EXT1: variants seen among roughly 807,000 people sequenced by gnomAD.
EXT1 encodes the protein exostosin-1.
A neutral mutation model predicts 82.5 loss-of-function variants in EXT1; 20 were observed. The observed-to-expected ratio is 0.24, with a 90% CI of 0.17 to 0.35. The LOEUF (loss-of-function observed/expected upper bound fraction) is 0.35, where lower values mean the gene tolerates loss of function less well. Among genes scored for constraint, EXT1 ranks in the 10% least tolerant of loss-of-function variants. The pLI, the probability that EXT1 is intolerant of heterozygous loss-of-function variation, is 1.00. For synonymous variants in EXT1, 348 were observed against 350.8 expected (o/e 0.99, Z 0.09); for missense variants, 757 against 936.5 (o/e 0.81, Z 2.50).
At chr8:118,022,816 G>T (rs1415136123) in intron 1 of EXT1, among the ~76,000 whole-genome samples, 1 of 152,136 alleles carries the variant, frequency 6.6e-6, no homozygotes, top group Non-Finnish European at 1.5e-5. Context: ...ATGACAAAAA[G>T]AAAGTATGTT....
At chr8:117,826,984 A>C (rs1812017541) in intron 4 of EXT1, among the ~76,000 whole-genome samples, 1 of 152,210 alleles carries the variant, frequency 6.6e-6, no homozygotes, top group Non-Finnish European at 1.5e-5. Context: ...ATATTCATGC[A>C]ATAAACCATA....
chr8:118,085,891 A>T (rs1487993229), intron 1 of EXT1, among the ~76,000 whole-genome samples: 1 of 152,228 alleles, frequency 6.6e-6, no homozygotes, highest in Non-Finnish European at 1.5e-5. Context: ...CACCAGAAAA[A>T]TAAAAGAAAA....
chr8:118,064,507 C>G (rs192152638), intron 1 of EXT1, among the ~76,000 whole-genome samples: 3 of 152,312 alleles, frequency 2.0e-5, no homozygotes, highest in Admixed American at 6.5e-5. Context: ...AGTACATGAA[C>G]TCACCCTTTT....
intron 1 of EXT1, among the ~76,000 whole-genome samples, chr8:118,051,731 A>G (rs1373744023): frequency 6.6e-6 from 1 of 151,884 alleles, no homozygotes; most frequent in Non-Finnish European, 1.5e-5. Flanking sequence ...CAGTTGCTTC[A>G]GGTAAACCCA....
intron 1 of EXT1, among the ~76,000 whole-genome samples, chr8:117,890,815 T>G (rs1813229648): frequency 6.6e-6 from 1 of 152,182 alleles, no homozygotes; most frequent in East Asian, 1.9e-4. Context: ...ATAAAAGCAC[T>G]CAACTTTTCT....
intron 1 of EXT1, among the ~76,000 whole-genome samples, chr8:118,086,244 G>A (rs974887625): frequency 6.6e-6 from 1 of 152,160 alleles, no homozygotes; most frequent in Non-Finnish European, 1.5e-5. Context: ...TTTGTGAAAG[G>A]CCACCTCCAA....
At chr8:117,907,081 G>A (rs1302876163) in intron 1 of EXT1, among the ~76,000 whole-genome samples, 3 of 152,130 alleles carry the variant, frequency 2.0e-5, no homozygotes, top group African/African-American at 7.2e-5. Flanking sequence ...CTCTATAAAG[G>A]ATGTAGCTTT....
intron 1 of EXT1, among the ~76,000 whole-genome samples, chr8:118,024,223 C>T (rs968289009): frequency 9.9e-5 from 15 of 152,262 alleles, no homozygotes; most frequent in Admixed American, 2.6e-4. Flanking sequence ...TTAATAACTG[C>T]CAAGATTTTC....
intron 1 of EXT1, among the ~76,000 whole-genome samples, chr8:118,090,808 A>AAAAAAAAAAAAC (rs1395780958): frequency 6.7e-6 from 1 of 148,374 alleles, no homozygotes; most frequent in Non-Finnish European, 1.5e-5. Context: ...AAAAAAAAAA[A>AAAAAAAAAAAAC]AGCATGTGCC....
chr8:117,907,044 A>G (rs1454797529), intron 1 of EXT1, among the ~76,000 whole-genome samples: 2 of 29,650 alleles, frequency 6.7e-5, no homozygotes, highest in Non-Finnish European at 1.4e-4. Flanking sequence ...CTGACCATGC[A>G]CATTCACTTA....
rs1159467409 is a variant in EXT1, at chr8:117,819,758, T to C, written c.1454A>G (p.His485Arg). The C allele has an allele frequency of 6.2e-7, 1 of 1,613,484 alleles. No homozygotes were observed. Among genetic ancestry groups the C allele is most frequent in the Admixed American group, 1.7e-5 (1 of 60,022 alleles). ...KPPSKFTAVI[H>R]AVTPLVSQSQ... Reference sequence around the variant, plus strand: ...CTGAGAGACCAGGGGGGTCACCGCATGGATGACTGCAGTGAATTTGGAGGG... The same window carrying C: ...CTGAGAGACCAGGGGGGTCACCGCACGGATGACTGCAGTGAATTTGGAGGG... Residue 485 changes from histidine (H) to arginine (R), a missense_variant, in exon 6 of 11, where the codon CAT becomes CGT. By Grantham distance (29) the His-to-Arg change is conservative (BLOSUM62 0). This residue lies in a region of EXT1 where 207 missense variants were observed against 224.2 expected (regional missense o/e 0.92). Transcript: ENST00000378204.
At chr8:117,952,139 C>T (rs1586305418) in intron 1 of EXT1, among the ~76,000 whole-genome samples, 3 of 152,118 alleles carry the variant, frequency 2.0e-5, no homozygotes, top group Non-Finnish European at 4.4e-5. Context: ...AGAACTAATT[C>T]GGTAATTACC....
At position 117,794,950 on chromosome 8, in the gene EXT1, T is replaced by C. The variant is rs890850235; in HGVS notation, c.*4762A>G. On this transcript the variant is annotated 3_prime_UTR_variant, in exon 11 of 11. Transcript: ENST00000378204. ...TCTCAAAATAAGTACACAAGGTTCATTACATGGTAACCAGGTCATTTGCAT... is the reference window on the plus strand; with the variant it reads ...TCTCAAAATAAGTACACAAGGTTCACTACATGGTAACCAGGTCATTTGCAT... 2 of 152,250 alleles carry C rather than the reference T, an allele frequency of 1.3e-5. No individual in the cohort carries two copies. The highest frequency in any genetic ancestry group is 2.9e-5 in the Non-Finnish European group (2 of 68,052). The allele number at this position is 152,250 out of a possible 1,614,324, so 9.4% of individuals were successfully genotyped here.
At chr8:117,828,822 A>G (rs1290642456) in intron 4 of EXT1, among the ~76,000 whole-genome samples, 1 of 152,076 alleles carries the variant, frequency 6.6e-6, no homozygotes, top group African/African-American at 2.4e-5. Flanking sequence ...AATACACACT[A>G]TGCCTAAGAG....
intron 1 of EXT1, among the ~76,000 whole-genome samples, chr8:117,892,282 G>C (rs994624192): frequency 2.6e-5 from 4 of 152,150 alleles, no homozygotes; most frequent in African/African-American, 9.7e-5. Flanking sequence ...GTCAGCAAAG[G>C]CTCCAATGCA....
chr8:117,969,876 G>C (rs2129738486), intron 1 of EXT1, among the ~76,000 whole-genome samples: 1 of 152,264 alleles, frequency 6.6e-6, no homozygotes, highest in South Asian at 2.1e-4. Flanking sequence ...CTTTTATATT[G>C]AACGTAGGGT....
chr8:118,040,676 A>C (rs1011801109), intron 1 of EXT1, among the ~76,000 whole-genome samples: 1 of 152,194 alleles, frequency 6.6e-6, no homozygotes, highest in African/African-American at 2.4e-5. Flanking sequence ...CACTTACCAC[A>C]TTCTACCCCA....
intron 1 of EXT1, among the ~76,000 whole-genome samples, chr8:117,977,925 T>G (rs1014969346): frequency 6.6e-6 from 1 of 152,222 alleles, no homozygotes; most frequent in African/African-American, 2.4e-5. Context: ...GTCCAGAAAT[T>G]TAACAAAAAT....
intron 1 of EXT1, among the ~76,000 whole-genome samples, chr8:117,960,449 T>C (rs1020609450): frequency 1.3e-5 from 2 of 152,176 alleles, no homozygotes; most frequent in Non-Finnish European, 2.9e-5. Flanking sequence ...TTTTTATTTA[T>C]CTAAGCCAAA....
Sources: allele counts gnomAD v4.1 joint callset (sites outside exome capture counted in the v4.1 genomes callset), GRCh38; gene constraint gnomAD v4.1.1; regional missense constraint gnomAD v4.1.1; transcripts MANE v1.5; gene names NCBI Gene and HGNC (gene_info 2026-07-23, HGNC 2026-07-21).